The following DNAJA3 variants were observed in gnomAD, a reference collection of about 807,000 sequenced individuals.
The protein encoded by DNAJA3 is DnaJ heat shock protein family (Hsp40) member A3.
Under a neutral mutation model 54.9 loss-of-function variants are expected in DNAJA3, and 29 were observed. The observed-to-expected ratio is 0.53, with a 90% CI of 0.39 to 0.72. DNAJA3 has a LOEUF of 0.72. DNAJA3 is among the 30% of genes least tolerant of loss of function. The pLI, the probability that DNAJA3 is intolerant of heterozygous loss-of-function variation, is 0.00. For synonymous variants in DNAJA3, 302 were observed against 251.4 expected (o/e 1.20, Z -1.90); for missense variants, 708 against 639.4 (o/e 1.11, Z -1.16).
At chr16:4,442,913 A>G in intron 5 of DNAJA3, 104 bp from the exon 6 acceptor site, 1 of 1,370,124 alleles carries the variant, frequency 7.3e-7, no homozygotes, top group Non-Finnish European at 1.0e-6. Flanking sequence ...ATGCACATAA[A>G]AAACAAGCCT....
Position 4,439,741 on chromosome 16 carries a change from C to T in DNAJA3, c.430-1634C>T, listed in dbSNP as rs554708830. 2.4e-4 allele frequency among the ~76,000 whole-genome samples: 37 copies of T among 152,180 alleles called. No individual in the cohort carries two copies. In the East Asian group the frequency reaches 6.0e-3, roughly 25 times the overall value. ...GAAGGGCTGGAACCAGGAGATAAAA[C>T]CCACCAGGAAGTCATGAACTCCCAC... On this transcript the variant is annotated intron_variant, in intron 3 of 11. Transcript: ENST00000262375.
At chr16:4,450,817 G>A (rs1039782671) in intron 10 of DNAJA3, among the ~76,000 whole-genome samples, 1 of 152,156 alleles carries the variant, frequency 6.6e-6, no homozygotes, top group East Asian at 1.9e-4. Flanking sequence ...CTGTGACCTC[G>A]GACAAATCCT....
chr16:4,448,689 G>A, intron 8 of DNAJA3, 44 bp from the exon 9 acceptor site: 1 of 1,428,840 alleles, frequency 7.0e-7, no homozygotes, highest in Non-Finnish European at 9.8e-7. Context: ...TTTTATTTGA[G>A]CAACTGGGGA....
intron 1 of DNAJA3, among the ~76,000 whole-genome samples, chr16:4,429,726 C>T (rs546475148): frequency 1.3e-5 from 2 of 151,878 alleles, no homozygotes; most frequent in Non-Finnish European, 2.9e-5. Flanking sequence ...CCCGGGTACT[C>T]GGGAGGCTGG....
rs1239481584 is a variant in DNAJA3 at position 4,434,442 on chromosome 16, C to T, written c.270C>T (p.Ala90=). ...TASFHTSAPL[A]KEDYYQILGV... ...CCTTCCACACGAGTGCCCCTTTGGC[C>T]AAAGAAGATTATTATCAGATATTAG... The change falls in exon 2 of 12, where the codon GCC becomes GCT. Residue 90 remains alanine (A), a synonymous_variant. Coordinates refer to ENST00000262375, the MANE Select transcript of DNAJA3 (RefSeq NM_005147.6). 6.2e-7 allele frequency: 1 copy of T among 1,613,892 alleles called. No homozygotes were observed. Among genetic ancestry groups the T allele is most frequent in the Admixed American group, 1.7e-5 (1 of 59,940 alleles).
At chr16:4,437,346 T>C (rs2141377043) in intron 2 of DNAJA3, 56 bp from the exon 3 acceptor site, 2 of 1,440,788 alleles carry the variant, frequency 1.4e-6, no homozygotes, top group Non-Finnish European at 1.9e-6. Flanking sequence ...TTTTGTTGTT[T>C]CTGGTATTTG....
Position 4,434,283 on chromosome 16 carries a change from T to A in DNAJA3, c.212-101T>A, listed in dbSNP as rs2056744163. 3 of 1,335,534 alleles carry A rather than the reference T, an allele frequency of 2.2e-6. No individual in the cohort carries two copies. The Admixed American group carries it at 6.5e-5, about 29-fold the overall frequency. The allele number at this position is 1,335,534 out of a possible 1,614,324, so 82.7% of individuals were successfully genotyped here. ...GGGACACAGCCAAACCTTATCAGTT[T>A]GTTTGTTCCTTCACAGATATAGCCT... On this transcript the variant is annotated intron_variant, in intron 1 of 11. Transcript: ENST00000262375.
chr16:4,441,281 A>C (rs1483731115), intron 3 of DNAJA3, 94 bp from the exon 4 acceptor site: 9 of 1,216,908 alleles, frequency 7.4e-6, no homozygotes, highest in Non-Finnish European at 1.0e-5. Context: ...CCACTTAATA[A>C]ATGTTATGGC....
chr16:4,451,234 C>T (rs1423733381), intron 10 of DNAJA3, among the ~76,000 whole-genome samples: 5 of 152,166 alleles, frequency 3.3e-5, no homozygotes, highest in Admixed American at 1.3e-4. Context: ...TGTATTTCCT[C>T]CTCATTGCAT....
chr16:4,453,496 G>A (rs71388581), intron 10 of DNAJA3, among the ~76,000 whole-genome samples: 13,052 of 151,614 alleles, frequency 0.086, 835 homozygotes, highest in East Asian at 0.24. Flanking sequence ...GGAGTGCAGT[G>A]GCGTGATCTC....
chr16:4,430,877 C>G (rs1187126354), intron 1 of DNAJA3: 3 of 151,906 alleles, frequency 2.0e-5, no homozygotes, highest in Non-Finnish European at 4.4e-5. Flanking sequence ...AACTTCTTAC[C>G]TACTAAAAAT....
At chr16:4,437,233 A>G (rs534120725) in intron 2 of DNAJA3, among the ~76,000 whole-genome samples, 169 bp from the exon 3 acceptor site, 1 of 152,196 alleles carries the variant, frequency 6.6e-6, no homozygotes, top group African/African-American at 2.4e-5. Context: ...CACTTCCCAA[A>G]GTGTTGGGAT....
chr16:4,437,600 T>A, intron 3 of DNAJA3, 115 bp downstream of exon 3: 1 of 752,786 alleles, frequency 1.3e-6, no homozygotes, highest in Non-Finnish European at 2.2e-6. Flanking sequence ...GAAGGCCATG[T>A]CCCTGCGCCA....
At chr16:4,450,523 G>A in intron 10 of DNAJA3, 26 bp downstream of exon 10, 1 of 1,563,910 alleles carries the variant, frequency 6.4e-7, no homozygotes, top group Non-Finnish European at 8.7e-7. Context: ...ACTACATGGT[G>A]ACACGTGGGG....
At position 4,443,156 on chromosome 16, in the gene DNAJA3, T is replaced by C; in HGVS notation, c.923T>C (p.Val308Ala). 6.2e-7 allele frequency: 1 copy of C among 1,613,946 alleles called. No homozygotes were observed. Among genetic ancestry groups the C allele is most frequent in the South Asian group, 1.1e-5 (1 of 91,072 alleles). ...AKQKKRVMIP[V>A]PAGVEDGQTV... ...CAGAAAAAGCGAGTGATGATCCCTGTGCCTGCAGGTGGGTGCTTGGGCCCG... is the reference window on the plus strand; with the variant it reads ...CAGAAAAAGCGAGTGATGATCCCTGCGCCTGCAGGTGGGTGCTTGGGCCCG... The change falls in exon 6 of 12, where the codon GTG becomes GCG. Residue 308 changes from valine (V) to alanine (A), a missense_variant. Val to Ala is a moderately conservative substitution (Grantham distance 64). Transcript: ENST00000262375.
chr16:4,428,507 C>T (rs1263893313), intron 1 of DNAJA3, among the ~76,000 whole-genome samples: 1 of 152,142 alleles, frequency 6.6e-6, no homozygotes, highest in Non-Finnish European at 1.5e-5. Flanking sequence ...TTTTATTAAG[C>T]CAAATTTGTT....
chr16:4,439,808 T>C (rs980386042), intron 3 of DNAJA3, among the ~76,000 whole-genome samples: 1 of 152,178 alleles, frequency 6.6e-6, no homozygotes, highest in Admixed American at 6.6e-5. Context: ...GCATCTTAAC[T>C]GGGTGCCCTA....
intron 5 of DNAJA3, 102 bp from the exon 6 acceptor site, chr16:4,442,915 A>G: frequency 3.6e-6 from 5 of 1,381,236 alleles, no homozygotes; most frequent in Non-Finnish European, 4.0e-6. Context: ...GCACATAAAA[A>G]ACAAGCCTTA....
chr16:4,455,367 A>C, intron 11 of DNAJA3, 179 bp from the exon 12 acceptor site: 1 of 670,302 alleles, frequency 1.5e-6, no homozygotes, highest in Non-Finnish European at 2.6e-6. Flanking sequence ...CTCCAGGGGT[A>C]GCGCTTGCTC....
Sources: allele counts gnomAD v4.1 joint callset (sites outside exome capture counted in the v4.1 genomes callset), GRCh38; gene constraint gnomAD v4.1.1; transcripts MANE v1.5; gene names NCBI Gene and HGNC (gene_info 2026-07-23, HGNC 2026-07-21).